CHP1: variants seen among roughly 807,000 people sequenced by gnomAD.
CHP1 encodes calcineurin like EF-hand protein 1, also known as calcineurin B homologous protein 1.
Under a neutral mutation model 27.4 loss-of-function variants are expected in CHP1, and 11 were observed. That is an observed-to-expected ratio of 0.40 (90% confidence interval 0.25 to 0.67). The LOEUF is 0.67. Ranked by LOEUF, CHP1 falls within the 30% of genes least tolerant of loss-of-function variation. The pLI is 0.38. For synonymous variants in CHP1, 89 were observed against 87.4 expected, an observed-to-expected ratio of 1.02 and a Z score of -0.10; for missense variants, 169 against 251.3, an observed-to-expected ratio of 0.67 and a Z score of 2.22.
At chr15:41,262,621 C>G in intron 3 of CHP1, 135 bp from the exon 4 acceptor site, 1 of 1,123,644 alleles carries the variant, frequency 8.9e-7, no homozygotes, top group Non-Finnish European at 1.3e-6. Context: ...TCCCAAAGTA[C>G]CATGCGTATG....
At chr15:41,276,240 CA>C (rs11451377) in intron 5 of CHP1, among the ~76,000 whole-genome samples, 142 of 125,910 alleles carry the variant, frequency 1.1e-3, no homozygotes, top group Admixed American at 1.1e-3. Context: ...GACTCCATCT[CA>C]AAAAAAAAAA....
chr15:41,272,267 G>A (rs1196638526), intron 5 of CHP1: 1 of 152,002 alleles, frequency 6.6e-6, no homozygotes, highest in Admixed American at 6.6e-5. Context: ...CAAAGTGCTG[G>A]GAGTACAAGC....
At chr15:41,268,196 G>A (rs1260350263) in intron 4 of CHP1, among the ~76,000 whole-genome samples, 1 of 152,210 alleles carries the variant, frequency 6.6e-6, no homozygotes, top group Non-Finnish European at 1.5e-5. Flanking sequence ...TACATGAGAT[G>A]AGAAAGGCAT....
At chr15:41,240,148 A>AT (rs2047298875) in intron 1 of CHP1, among the ~76,000 whole-genome samples, 1 of 151,792 alleles carries the variant, frequency 6.6e-6, no homozygotes, top group African/African-American at 2.4e-5. Context: ...TCATTTGTGG[A>AT]TTTTTTTGGT....
At chr15:41,241,676 C>G (rs537952420) in intron 1 of CHP1, among the ~76,000 whole-genome samples, 7 of 152,328 alleles carry the variant, frequency 4.6e-5, no homozygotes, top group African/African-American at 1.7e-4. Flanking sequence ...AGCACTAGGA[C>G]AGAACAGAGC....
intron 2 of CHP1, among the ~76,000 whole-genome samples, chr15:41,255,703 A>C (rs1278553333): frequency 6.6e-6 from 1 of 151,626 alleles, no homozygotes; most frequent in East Asian, 2.0e-4. Context: ...GGGGAGAGTA[A>C]CTTTCATTCA....
intron 4 of CHP1, chr15:41,264,204 A>G (rs1368280535): frequency 7.8e-7 from 1 of 1,287,592 alleles, no homozygotes; most frequent in Admixed American, 2.3e-5. Flanking sequence ...ATCGAGACTG[A>G]AATTGAGCAA....
At position 41,239,848 on chromosome 15, in the gene CHP1, C is replaced by T. The variant is rs534408664; in HGVS notation, c.68-3819C>T. On this transcript the variant is annotated intron_variant, in intron 1 of 6. Coordinates refer to ENST00000334660, the MANE Select transcript of CHP1 (RefSeq NM_007236.5). ...CTGGAGTGCAGTGGCGCAATCTCAG[C>T]TCACTGCAAGCTCCGCCTCCCAGGT... 1.1e-4 allele frequency among the ~76,000 whole-genome samples: 17 copies of T among 152,136 alleles called. No individual in the cohort carries two copies. In the South Asian group the frequency reaches 2.1e-3, roughly 19 times the overall value.
At chr15:41,233,630 C>CA (rs1567001213) in intron 1 of CHP1, among the ~76,000 whole-genome samples, 1 of 151,554 alleles carries the variant, frequency 6.6e-6, no homozygotes, top group African/African-American at 2.4e-5. Context: ...CAGATGGTGA[C>CA]AAAAAACGCC....
intron 1 of CHP1, among the ~76,000 whole-genome samples, chr15:41,242,016 G>A (rs1434116134): frequency 1.3e-5 from 2 of 152,038 alleles, no homozygotes; most frequent in Non-Finnish European, 2.9e-5. Flanking sequence ...TCCCAGAAAG[G>A]CCTTTTTGAG....
chr15:41,262,939 A>G (rs919155271), intron 4 of CHP1, 56 bp downstream of exon 4: 4 of 1,599,454 alleles, frequency 2.5e-6, no homozygotes, highest in African/African-American at 2.7e-5. Flanking sequence ...CTTAAAAGTC[A>G]TGTATTTACT....
intron 2 of CHP1, among the ~76,000 whole-genome samples, chr15:41,253,033 G>A (rs2047378464): frequency 6.9e-6 from 1 of 144,536 alleles, no homozygotes. Context: ...CCACCTCCCA[G>A]GTTCAAGTGA....
At position 41,280,355 on chromosome 15, in the gene CHP1, T is replaced by C. The variant is rs1481149869; in HGVS notation, c.*966T>C. 1 of 152,540 alleles carries C rather than the reference T, an allele frequency of 6.6e-6. No individual in the cohort carries two copies. Among genetic ancestry groups the C allele is most frequent in the Non-Finnish European group, 1.5e-5 (1 of 68,062 alleles). 9.4% of individuals were successfully genotyped at this position (152,540 alleles called of 1,614,324 possible). ...GGACTTTCTCATGGCTTTTATTTAA[T>C]AAGGAGGCTGGGCACCCTATAAAGC... On this transcript the variant is annotated 3_prime_UTR_variant, in exon 7 of 7. Coordinates refer to ENST00000334660, the MANE Select transcript of CHP1 (RefSeq NM_007236.5).
intron 2 of CHP1, among the ~76,000 whole-genome samples, chr15:41,253,430 T>TTAC (rs1567007300): frequency 5.2e-5 from 4 of 77,238 alleles, no homozygotes; most frequent in African/African-American, 2.5e-4. Flanking sequence ...AAAGTATTTA[T>TTAC]TTATTTATTT....
chr15:41,276,939 C>A (rs973848173), intron 5 of CHP1, among the ~76,000 whole-genome samples: 1 of 152,206 alleles, frequency 6.6e-6, no homozygotes, highest in Non-Finnish European at 1.5e-5. Flanking sequence ...ATATTACTCA[C>A]CTCATGGCTC....
Position 41,248,941 on chromosome 15 carries a change from C to A in CHP1, c.140+5202C>A, listed in dbSNP as rs576521762. Among the ~76,000 whole-genome samples the A allele has an allele frequency of 1.2e-4, 18 of 152,254 alleles. No homozygotes were observed. In the South Asian group the frequency reaches 3.3e-3, roughly 28 times the overall value. On this transcript the variant is annotated intron_variant, in intron 2 of 6. Coordinates refer to ENST00000334660, the MANE Select transcript of CHP1 (RefSeq NM_007236.5). ...TGACAATTATCTTCTTAGCCTGTGG[C>A]CATCCGATTAAATTGTCTTCCCCTT...
At chr15:41,271,054 G>T (rs1024637551) in intron 5 of CHP1, among the ~76,000 whole-genome samples, 3 of 152,068 alleles carry the variant, frequency 2.0e-5, no homozygotes, top group Admixed American at 1.3e-4. Context: ...AGGAGATCGA[G>T]ACCATCCTGG....
chr15:41,259,443 C>A (rs549953867), intron 3 of CHP1, among the ~76,000 whole-genome samples: 1 of 151,784 alleles, frequency 6.6e-6, no homozygotes, highest in East Asian at 1.9e-4. Flanking sequence ...TAGCAAGCTG[C>A]GACTCTGCTT....
chr15:41,236,357 G>T (rs560773460), intron 1 of CHP1, among the ~76,000 whole-genome samples: 10 of 152,248 alleles, frequency 6.6e-5, no homozygotes, highest in African/African-American at 2.2e-4. Flanking sequence ...AAGCTTCTGG[G>T]CTCAAGCAAT....
Sources: gnomAD v4.1 joint callset for allele counts (sites outside exome capture counted in the v4.1 genomes callset) on GRCh38, gnomAD v4.1.1 for gene constraint, MANE v1.5 for transcripts, NCBI Gene and HGNC (gene_info 2026-07-23, HGNC 2026-07-21) for gene names.